The following TWSG1 variants were observed in gnomAD, a reference collection of about 807,000 sequenced individuals.
The protein encoded by TWSG1 is twisted gastrulation protein homolog 1.
Under a neutral mutation model 23.0 loss-of-function variants are expected in TWSG1, and 15 were observed. The observed-to-expected ratio is 0.65, with a 90% CI of 0.44 to 1.00. The LOEUF (loss-of-function observed/expected upper bound fraction) is 1.00, where lower values mean the gene tolerates loss of function less well. TWSG1 is among the 50% of genes least tolerant of loss of function. TWSG1 has a pLI of 0.00. For synonymous variants in TWSG1, 86 were observed against 92.8 expected (o/e 0.93, Z 0.42); for missense variants, 242 against 278.7 (o/e 0.87, Z 0.94).
At chr18:9,337,825 C>T (rs1034757673) in intron 2 of TWSG1, among the ~76,000 whole-genome samples, 2 of 152,150 alleles carry the variant, frequency 1.3e-5, no homozygotes, top group Non-Finnish European at 2.9e-5. Flanking sequence ...TTCTGAGGGC[C>T]TGGAATCTGG....
intron 2 of TWSG1, among the ~76,000 whole-genome samples, chr18:9,359,634 C>A (rs1308532394): frequency 6.6e-6 from 1 of 152,136 alleles, no homozygotes; most frequent in Admixed American, 6.5e-5. Context: ...TAAATTTGGA[C>A]AACGAATATA....
intron 3 of TWSG1, among the ~76,000 whole-genome samples, chr18:9,386,180 C>T (rs2040683119): frequency 6.7e-6 from 1 of 150,180 alleles, no homozygotes; most frequent in Non-Finnish European, 1.5e-5. Flanking sequence ...AAAAAAGAAG[C>T]CGAGTGTGGT....
chr18:9,387,782 A>AG (rs1436511465), intron 3 of TWSG1, among the ~76,000 whole-genome samples: 1 of 152,096 alleles, frequency 6.6e-6, no homozygotes, highest in Admixed American at 6.6e-5. Flanking sequence ...AAAAAAAAAA[A>AG]AAAAAGCAAA....
intron 2 of TWSG1, among the ~76,000 whole-genome samples, chr18:9,337,721 C>A (rs2040429145): frequency 6.6e-6 from 1 of 151,910 alleles, no homozygotes; most frequent in South Asian, 2.1e-4. Flanking sequence ...AAATTGTTAC[C>A]CTAAGTATGA....
chr18:9,380,160 T>C (rs2040649779), intron 3 of TWSG1, among the ~76,000 whole-genome samples: 1 of 152,230 alleles, frequency 6.6e-6, no homozygotes, highest in South Asian at 2.1e-4. Context: ...TGAAACTTAA[T>C]AATAGCTAAT....
At position 9,385,886 on chromosome 18, in the gene TWSG1, G is replaced by C. The variant is rs145249049; in HGVS notation, c.224-10394G>C. ...CTTTTGCAAATTTAAAATTCAAATG[G>C]GGCCGGGCATGGTGGCTCACACCTG... is the stretch of plus-strand genomic sequence containing the variant. On this transcript the variant is annotated intron_variant, in intron 3 of 4. Transcript: ENST00000262120. Among the ~76,000 whole-genome samples the C allele has an allele frequency of 1.4e-3, 213 of 152,006 alleles. 1 individual carries two copies. The highest frequency in any genetic ancestry group is 5.0e-3 in the African/African-American group (207 of 41,490).
At chr18:9,351,304 A>G (rs1028656303) in intron 2 of TWSG1, among the ~76,000 whole-genome samples, 1 of 152,116 alleles carries the variant, frequency 6.6e-6, no homozygotes, top group African/African-American at 2.4e-5. Flanking sequence ...TAGTCCTATT[A>G]TCCAAACACA....
At chr18:9,398,246 CAG>C (rs1243493625) in intron 4 of TWSG1, among the ~76,000 whole-genome samples, 4 of 152,012 alleles carry the variant, frequency 2.6e-5, no homozygotes, top group Admixed American at 6.5e-5. Flanking sequence ...ATCAACATAA[CAG>C]ATATTAAATA....
intron 3 of TWSG1, among the ~76,000 whole-genome samples, chr18:9,385,690 C>T (rs1400218763): frequency 1.7e-5 from 2 of 114,918 alleles, no homozygotes; most frequent in Non-Finnish European, 3.6e-5. Context: ...AGCGAGACTC[C>T]GTCTCAAAAA....
intron 3 of TWSG1, among the ~76,000 whole-genome samples, chr18:9,378,423 G>A (rs2040641009): frequency 1.3e-5 from 2 of 151,916 alleles, no homozygotes; most frequent in Non-Finnish European, 2.9e-5. Context: ...AAAGTTTTGG[G>A]GTACAAAATC....
At chr18:9,344,613 C>T (rs1309063296) in intron 2 of TWSG1, among the ~76,000 whole-genome samples, 1 of 149,546 alleles carries the variant, frequency 6.7e-6, no homozygotes, top group Non-Finnish European at 1.5e-5. Flanking sequence ...ACAGCAACCT[C>T]AACCTCCTGG....
chr18:9,351,042 T>C (rs1290405981), intron 2 of TWSG1, among the ~76,000 whole-genome samples: 1 of 152,114 alleles, frequency 6.6e-6, no homozygotes, highest in African/African-American at 2.4e-5. Flanking sequence ...TGCAAGTAAA[T>C]ACTTAATTAG....
At chr18:9,368,502 T>G (rs934133049) in intron 3 of TWSG1, among the ~76,000 whole-genome samples, 3 of 149,576 alleles carry the variant, frequency 2.0e-5, no homozygotes, top group South Asian at 2.3e-4. Flanking sequence ...CACCTGGCCA[T>G]TATTGTGGTT....
Position 9,389,900 on chromosome 18 carries a change from G to A in TWSG1, c.224-6380G>A, listed in dbSNP as rs149209807. The stretch of plus-strand genomic sequence containing the variant: ...CGAAGGTCCCAATAAAGTGAGTCAC[G>A]CAAATACTTTGGTTTCCCAGTGCAT... On this transcript the variant is annotated intron_variant, in intron 3 of 4. Coordinates refer to ENST00000262120, the MANE Select transcript of TWSG1 (RefSeq NM_020648.6). Among the ~76,000 whole-genome samples, 31 of 152,272 alleles carry A rather than the reference G, an allele frequency of 2.0e-4. No individual in the cohort carries two copies. In the East Asian group the frequency reaches 4.8e-3, roughly 24 times the overall value.
At chr18:9,345,887 A>G (rs1369884409) in intron 2 of TWSG1, among the ~76,000 whole-genome samples, 2 of 152,204 alleles carry the variant, frequency 1.3e-5, no homozygotes, top group African/African-American at 2.4e-5. Flanking sequence ...GGGTTCCCAT[A>G]TACCCATTCC....
At chr18:9,382,301 A>G (rs2040660666) in intron 3 of TWSG1, among the ~76,000 whole-genome samples, 2 of 152,226 alleles carry the variant, frequency 1.3e-5, no homozygotes, top group South Asian at 4.1e-4. Flanking sequence ...AGGCAGGCAG[A>G]TACTTGAAGC....
intron 2 of TWSG1, among the ~76,000 whole-genome samples, chr18:9,357,843 G>C (rs550975422): frequency 3.9e-5 from 6 of 152,026 alleles, no homozygotes; most frequent in African/African-American, 1.2e-4. Flanking sequence ...GCAGGGAAGG[G>C]GGGGGATGGG....
intron 3 of TWSG1, among the ~76,000 whole-genome samples, chr18:9,362,573 T>C (rs2145609575): frequency 6.6e-6 from 1 of 152,304 alleles, no homozygotes; most frequent in Middle Eastern, 3.4e-3. Flanking sequence ...ATTAATAGCA[T>C]TGCCTAAAAT....
At chr18:9,338,107 A>G (rs1005772398) in intron 2 of TWSG1, among the ~76,000 whole-genome samples, 11 of 152,242 alleles carry the variant, frequency 7.2e-5, no homozygotes, top group African/African-American at 2.7e-4. Flanking sequence ...GTAGCCACAC[A>G]CATTAGCATT....
Sources: allele counts gnomAD v4.1 joint callset (sites outside exome capture counted in the v4.1 genomes callset), GRCh38; gene constraint gnomAD v4.1.1; transcripts MANE v1.5; gene names NCBI Gene and HGNC (gene_info 2026-07-23, HGNC 2026-07-21).